DYNC1LI2: variants seen among roughly 807,000 people sequenced by gnomAD.
DYNC1LI2 encodes the protein cytoplasmic dynein 1 light intermediate chain 2.
DYNC1LI2 carries 19 observed loss-of-function variants against 57.8 expected under a neutral mutation model. The observed-to-expected ratio is 0.33, with a 90% CI of 0.23 to 0.48. DYNC1LI2 has a LOEUF of 0.48. Among genes scored for constraint, DYNC1LI2 ranks in the 20% least tolerant of loss-of-function variants. DYNC1LI2 has a pLI of 0.99. For synonymous variants in DYNC1LI2, 256 were observed against 233.4 expected (o/e 1.10, Z -0.88); for missense variants, 470 against 604.2 (o/e 0.78, Z 2.33).
At chr16:66,727,888 A>C (rs1158378316) in intron 10 of DYNC1LI2, 83 bp from the exon 11 acceptor site, 5 of 1,261,312 alleles carry the variant, frequency 4.0e-6, no homozygotes, top group Non-Finnish European at 5.6e-6. Flanking sequence ...CATGCTTCTG[A>C]GGGATATTTT....
intron 3 of DYNC1LI2, among the ~76,000 whole-genome samples, chr16:66,748,158 G>C (rs2145009886): frequency 6.6e-6 from 1 of 151,520 alleles, no homozygotes; most frequent in South Asian, 2.1e-4. Flanking sequence ...CACATCTATA[G>C]TCCCAGCTGC....
chr16:66,723,634 G>T lies in DYNC1LI2; in HGVS notation c.*88C>A. 1 of 1,144,292 alleles carries T rather than the reference G, an allele frequency of 8.7e-7. No homozygotes were observed. Among genetic ancestry groups the T allele is most frequent in the South Asian group, 1.5e-5 (1 of 68,310 alleles). 70.9% of individuals were successfully genotyped at this position (1,144,292 alleles called of 1,614,324 possible). On this transcript the variant is annotated 3_prime_UTR_variant, in exon 13 of 13. Coordinates refer to ENST00000258198, the MANE Select transcript of DYNC1LI2 (RefSeq NM_006141.3). ...TCTCCCCTGCCCCAAAAAACTGATAGCATGTGCCATATCAGAAAAATCCTG... is the reference window on the plus strand; with the variant it reads ...TCTCCCCTGCCCCAAAAAACTGATATCATGTGCCATATCAGAAAAATCCTG...
intron 6 of DYNC1LI2, chr16:66,732,735 C>A (rs1433844389): frequency 9.5e-6 from 3 of 316,972 alleles, no homozygotes; most frequent in Non-Finnish European, 1.7e-5. Context: ...TATGTTGATG[C>A]TAGTGGGCTG....
At chr16:66,741,991 T>C (rs1336760797) in intron 4 of DYNC1LI2, among the ~76,000 whole-genome samples, 1 of 151,704 alleles carries the variant, frequency 6.6e-6, no homozygotes, top group Non-Finnish European at 1.5e-5. Context: ...GAAAGCTTTG[T>C]CTTTCTTAGG....
rs181192963 is a variant in DYNC1LI2, at chr16:66,723,956, C to G, written c.1379-134G>C. ...GTAACCTTAATAAGAATGAGGAAAGCCCTTTTCTACTGCAGTGGTGAGGAG... is the reference window on the plus strand; with the variant it reads ...GTAACCTTAATAAGAATGAGGAAAGGCCTTTTCTACTGCAGTGGTGAGGAG... On this transcript the variant is annotated intron_variant, in intron 12 of 12. Coordinates refer to ENST00000258198, the MANE Select transcript of DYNC1LI2 (RefSeq NM_006141.3). 3.3e-4 allele frequency: 241 copies of G among 730,830 alleles called. 2 individuals are homozygous for G. The highest frequency in any genetic ancestry group is 4.6e-4 in the Non-Finnish European group (213 of 464,872). The allele number at this position is 730,830 out of a possible 1,614,324, so 45.3% of individuals were successfully genotyped here.
At position 66,722,495 on chromosome 16, in the gene DYNC1LI2, GAGACAC is replaced by G. The variant is rs1293571392; in HGVS notation, c.*1221_*1226del. On this transcript the variant is annotated 3_prime_UTR_variant, in exon 13 of 13. Transcript: ENST00000258198. Reference sequence around the variant, plus strand: ...TGTGCATGAATTTGCCCTAGGTGGGGAGACACCTGAAACTCTTATTTCCATAAGAAA... The same window carrying G: ...TGTGCATGAATTTGCCCTAGGTGGGGCTGAAACTCTTATTTCCATAAGAAA... 1 of 152,584 alleles carries G rather than the reference GAGACAC, an allele frequency of 6.6e-6. No individual in the cohort carries two copies. The highest frequency in any genetic ancestry group is 1.5e-5 in the Non-Finnish European group (1 of 68,034). The allele number at this position is 152,584 out of a possible 1,614,324, so 9.5% of individuals were successfully genotyped here. A position where few individuals can be genotyped will look rare whatever the true frequency, so the allele number is the denominator to read the frequency against.
intron 7 of DYNC1LI2, chr16:66,731,095 T>G (rs2017627861): frequency 6.6e-6 from 1 of 152,222 alleles, no homozygotes; most frequent in African/African-American, 2.4e-5. Flanking sequence ...GAGAGGTAAC[T>G]ACCAACAGGA....
At chr16:66,727,882 C>T (rs2017564758) in intron 10 of DYNC1LI2, 77 bp from the exon 11 acceptor site, 1 of 1,278,408 alleles carries the variant, frequency 7.8e-7, no homozygotes, top group African/African-American at 1.5e-5. Context: ...TGGAGACATG[C>T]TTCTGAGGGA....
intron 5 of DYNC1LI2, among the ~76,000 whole-genome samples, chr16:66,734,596 C>G (rs2017698243): frequency 6.6e-6 from 1 of 151,840 alleles, no homozygotes; most frequent in Non-Finnish European, 1.5e-5. Context: ...CCGGTGTACA[C>G]AGTTGTACAC....
At chr16:66,728,267 T>TTA (rs2017571594) in intron 9 of DYNC1LI2, 25 bp from the exon 10 acceptor site, 1 of 1,613,866 alleles carries the variant, frequency 6.2e-7, no homozygotes, top group Non-Finnish European at 8.5e-7. Context: ...ACAAACTGGC[T>TTA]ATTAACCAAG....
In DYNC1LI2 at chr16:66,723,836, A is replaced by G. The variant is rs1462599616; in HGVS notation, c.1379-14T>C. Reference sequence around the variant, plus strand: ...CAGTCTTTTGTCCTGAAAAAAAAAAAAAGCAAAAAAGCAAAGTAATGATGT... The same window carrying G: ...CAGTCTTTTGTCCTGAAAAAAAAAAGAAGCAAAAAAGCAAAGTAATGATGT... On this transcript the variant is annotated splice_polypyrimidine_tract_variant and intron_variant, in intron 12 of 12. Transcript: ENST00000258198. 1 of 1,573,402 alleles carries G rather than the reference A, an allele frequency of 6.4e-7. No individual in the cohort carries two copies. The highest frequency in any genetic ancestry group is 1.4e-5 in the African/African-American group (1 of 72,274).
At position 66,748,167 on chromosome 16, in the gene DYNC1LI2, G is replaced by C. The variant is rs1451305678; in HGVS notation, c.298+1030C>G. ...GTGGCACACATCTATAGTCCCAGCT[G>C]CTTAGGAGGATGAGGTGGAAGGATG... On this transcript the variant is annotated intron_variant, in intron 3 of 12. Transcript: ENST00000258198. 8.0e-5 allele frequency among the ~76,000 whole-genome samples: 12 copies of C among 150,884 alleles called. No homozygotes were observed. The East Asian group carries it at 2.2e-3, about 27-fold the overall frequency.
rs569443251 is a variant in DYNC1LI2 at position 66,742,426 on chromosome 16, T to C, written c.529+12A>G. On this transcript the variant is annotated intron_variant, in intron 4 of 12. Coordinates refer to ENST00000258198, the MANE Select transcript of DYNC1LI2 (RefSeq NM_006141.3). ...GTGAACTTCCCAATTAAGAAAATTA[T>C]ATTTTACTCACACTTCCGTTCCAGC... 3 of 1,610,418 alleles carry C rather than the reference T, an allele frequency of 1.9e-6. No individual in the cohort carries two copies. Among genetic ancestry groups the C allele is most frequent in the Non-Finnish European group, 8.5e-7 (1 of 1,177,702 alleles).
In DYNC1LI2 at chr16:66,734,231, C is replaced by T. The variant is rs777813042; in HGVS notation, c.780G>A (p.Arg260=). The change falls in exon 6 of 13, where the codon AGG becomes AGA. Residue 260 remains arginine (R), a synonymous_variant. Transcript: ENST00000258198. ...HLDFIQSHLR[R]FCLQYGAALI... is the part of the protein sequence containing the mutation. Reference sequence around the variant, plus strand: ...CCCAAAGGATACACTGAAGGCAGAACCTCCGCAGGTGTGACTGGATAAAGT... The same window carrying T: ...CCCAAAGGATACACTGAAGGCAGAATCTCCGCAGGTGTGACTGGATAAAGT... 1 of 1,614,144 alleles carries T rather than the reference C, an allele frequency of 6.2e-7. No individual in the cohort carries two copies. The highest frequency in any genetic ancestry group is 1.7e-5 in the Admixed American group (1 of 60,014).
At position 66,751,331 on chromosome 16, in the gene DYNC1LI2, G is replaced by C; in HGVS notation, c.123C>G (p.Ser41Arg). 6.2e-7 allele frequency: 1 copy of C among 1,612,130 alleles called. No individual in the cohort carries two copies. The highest frequency in any genetic ancestry group is 8.5e-7 in the Non-Finnish European group (1 of 1,179,074). The change falls in exon 2 of 13, where the codon AGC (serine) becomes AGG (arginine). Residue 41 changes from serine to arginine, a missense_variant. Ser to Arg is a moderately radical substitution (Grantham distance 110, BLOSUM62 -1). Transcript: ENST00000258198. The surrounding 1 kb of genome is among the most constrained non-coding windows in gnomAD (Gnocchi z 5.2). ...TGGACCTGGCGCGGGTGGACACTTC[G>C]CTCAGAATGGAGGACCTGTGGCGAC... ...EGQSLWSSIL[S>R]EVSTRARSKL...
At chr16:66,728,471 AAAGGAAAAAGATGGAAAAAG>A (rs1374947691) in intron 9 of DYNC1LI2, among the ~76,000 whole-genome samples, 20 of 152,224 alleles carry the variant, frequency 1.3e-4, no homozygotes, top group Non-Finnish European at 2.8e-4. Flanking sequence ...CAAAGGACAG[AAAGGAAAAAGATGGAAAAAG>A]AAGGAAACAG....
At chr16:66,724,065 G>A (rs556035331) in intron 12 of DYNC1LI2, among the ~76,000 whole-genome samples, 1 of 152,188 alleles carries the variant, frequency 6.6e-6, no homozygotes, top group Admixed American at 6.5e-5. Flanking sequence ...CTGCTCTCTG[G>A]CGGGGGGTGC....
Position 66,721,975 on chromosome 16 carries a change from T to C in DYNC1LI2, c.*1747A>G, listed in dbSNP as rs1156864595. On this transcript the variant is annotated 3_prime_UTR_variant, in exon 13 of 13. Coordinates refer to ENST00000258198, the MANE Select transcript of DYNC1LI2 (RefSeq NM_006141.3). The stretch of plus-strand genomic sequence containing the variant: ...TCATTCTACAGTCAGTTTACTGTCA[T>C]TACCTAGACAACCTGGTAACTGGAA... The C allele has an allele frequency of 6.6e-6, 1 of 152,442 alleles. No individual in the cohort carries two copies. Among genetic ancestry groups the C allele is most frequent in the Non-Finnish European group, 1.5e-5 (1 of 68,040 alleles). The allele number at this position is 152,442 out of a possible 1,614,324, so 9.4% of individuals were successfully genotyped here. A position where few individuals can be genotyped will look rare whatever the true frequency, so the allele number is the denominator to read the frequency against.
At position 66,721,137 on chromosome 16, in the gene DYNC1LI2, A is replaced by G. The variant is rs949212292; in HGVS notation, c.*2585T>C. 6.6e-6 allele frequency: 1 copy of G among 152,670 alleles called. No individual in the cohort carries two copies. The highest frequency in any genetic ancestry group is 1.9e-4 in the East Asian group (1 of 5,198). 9.5% of individuals were successfully genotyped at this position (152,670 alleles called of 1,614,324 possible). ...TAACATTGTTAAGGTCATGATGTACAGAGCAGTCACTTTCAACTTTGTTAA... is the reference window on the plus strand; with the variant it reads ...TAACATTGTTAAGGTCATGATGTACGGAGCAGTCACTTTCAACTTTGTTAA... On this transcript the variant is annotated 3_prime_UTR_variant, in exon 13 of 13. Coordinates refer to ENST00000258198, the MANE Select transcript of DYNC1LI2 (RefSeq NM_006141.3).
Sources: gnomAD v4.1 joint callset for allele counts (sites outside exome capture counted in the v4.1 genomes callset) on GRCh38, gnomAD v4.1.1 for gene constraint, Gnocchi (gnomAD v3.1) non-coding constraint, MANE v1.5 for transcripts, NCBI Gene and HGNC (gene_info 2026-07-23, HGNC 2026-07-21) for gene names.